The following ZNF536 variants were observed in gnomAD, a reference collection of about 807,000 sequenced individuals.
ZNF536 encodes the protein zinc finger protein 536.
In ZNF536, 13 loss-of-function variants were observed where a neutral mutation model predicts 84.5. The observed-to-expected ratio is 0.15, with a 90% CI of 0.10 to 0.24. The LOEUF is 0.24. Ranked by LOEUF, ZNF536 falls within the 10% of genes least tolerant of loss-of-function variation. ZNF536 has a pLI of 1.00. For missense variants in ZNF536, 1,536 were observed against 1,747.5 expected (o/e 0.88, Z 2.16); for synonymous variants, 811 against 742.5 (o/e 1.09, Z -1.50).
At chr19:30,480,382 G>A (rs917762163) in intron 2 of ZNF536, among the ~76,000 whole-genome samples, 1 of 152,068 alleles carries the variant, frequency 6.6e-6, no homozygotes, top group African/African-American at 2.4e-5. Context: ...CAGTCTGTTT[G>A]TTTTGCTCTG....
At chr19:30,254,586 GA>G (rs11342778) in intron 1 of ZNF536, among the ~76,000 whole-genome samples, 116,905 of 131,078 alleles carry the variant, frequency 0.89, 51,976 homozygotes, top group East Asian at 0.96. Flanking sequence ...TTCTCTTTTT[GA>G]AAAAAAAAAA....
At chr19:30,312,400 C>T (rs2087347618) in intron 2 of ZNF536, among the ~76,000 whole-genome samples, 1 of 152,176 alleles carries the variant, frequency 6.6e-6, no homozygotes, top group Non-Finnish European at 1.5e-5. Flanking sequence ...TTCTCTCCAA[C>T]CCTTGCTGGC....
intron 2 of ZNF536, among the ~76,000 whole-genome samples, chr19:30,531,845 G>T (rs750777109): frequency 7.9e-5 from 12 of 151,408 alleles, no homozygotes; most frequent in Admixed American, 1.3e-4. Context: ...GGCTGGTCTG[G>T]AACTCCTGAC....
intron 1 of ZNF536, among the ~76,000 whole-genome samples, chr19:30,424,839 A>G (rs1314209197): frequency 6.6e-6 from 1 of 152,156 alleles, no homozygotes; most frequent in African/African-American, 2.4e-5. Context: ...TGAGAAATGC[A>G]TGCTTGGTGA....
chr19:30,503,381 G>T (rs1362195514), intron 2 of ZNF536, among the ~76,000 whole-genome samples: 3 of 152,110 alleles, frequency 2.0e-5, no homozygotes, highest in Non-Finnish European at 4.4e-5. Context: ...AATACAAATG[G>T]TCAATAATCA....
intron 2 of ZNF536, among the ~76,000 whole-genome samples, chr19:30,314,371 C>T (rs2046610364): frequency 6.6e-6 from 1 of 152,092 alleles, no homozygotes. Context: ...GAGACTCTGC[C>T]CCTCGTCGAG....
intron 1 of ZNF536, among the ~76,000 whole-genome samples, chr19:30,377,748 G>A (rs1181475855): frequency 2.0e-5 from 3 of 152,150 alleles, no homozygotes; most frequent in African/African-American, 7.2e-5. Context: ...GGGATATTAG[G>A]ATACTCCCAA....
intron 1 of ZNF536, among the ~76,000 whole-genome samples, chr19:30,685,371 A>C (rs1384038117): frequency 6.6e-6 from 1 of 151,968 alleles, no homozygotes; most frequent in African/African-American, 2.4e-5. Context: ...TTACAGCGGG[A>C]GTGTTTTTAT....
intron 1 of ZNF536, among the ~76,000 whole-genome samples, chr19:30,436,179 T>C (rs2051738621): frequency 6.6e-6 from 1 of 152,172 alleles, no homozygotes; most frequent in South Asian, 2.1e-4. Flanking sequence ...CACTTGGGAA[T>C]TTGACTACAG....
At chr19:30,555,938 G>A (rs1312843397) in intron 4 of ZNF536, 1 of 152,222 alleles carries the variant, frequency 6.6e-6, no homozygotes, top group Non-Finnish European at 1.5e-5. Context: ...GCTTGAGGGT[G>A]TGGGAGACCT....
At chr19:30,630,558 G>A (rs893155830) in intron 1 of ZNF536, among the ~76,000 whole-genome samples, 5 of 152,194 alleles carry the variant, frequency 3.3e-5, no homozygotes, top group Non-Finnish European at 7.4e-5. Context: ...CTGGGCCTCC[G>A]TTTCAGCCCT....
chr19:30,484,662 T>G (rs1159378936), intron 2 of ZNF536, among the ~76,000 whole-genome samples: 1 of 138,668 alleles, frequency 7.2e-6, no homozygotes, highest in Admixed American at 7.0e-5. Context: ...CGCACTTTCT[T>G]TTTTCTTCTT....
At chr19:30,258,742 G>T (rs1397414863) in intron 1 of ZNF536, among the ~76,000 whole-genome samples, 1 of 149,622 alleles carries the variant, frequency 6.7e-6, no homozygotes, top group African/African-American at 2.4e-5. Context: ...TTTTGAGACA[G>T]AGTCTTGCTT....
At chr19:30,650,840 T>TGCAA (rs756601166) in intron 1 of ZNF536, among the ~76,000 whole-genome samples, 78 of 152,182 alleles carry the variant, frequency 5.1e-4, no homozygotes, top group Non-Finnish European at 4.0e-4. Context: ...TAAAATGATC[T>TGCAA]GCAAGTCGTC....
chr19:30,343,390 T>G (rs907792057), intron 2 of ZNF536, among the ~76,000 whole-genome samples: 8 of 152,144 alleles, frequency 5.3e-5, no homozygotes, highest in African/African-American at 1.9e-4. Flanking sequence ...TGGGGGAGCA[T>G]CTCTTCATAA....
At chr19:30,691,521 G>A (rs1339265008) in intron 1 of ZNF536, among the ~76,000 whole-genome samples, 1 of 152,120 alleles carries the variant, frequency 6.6e-6, no homozygotes, top group Non-Finnish European at 1.5e-5. Context: ...CTGTAATTTG[G>A]GAAGGTTGTA....
chr19:30,617,333 C>CTTTTTT (rs556835599), intron 1 of ZNF536, among the ~76,000 whole-genome samples: 1,735 of 37,668 alleles, frequency 0.046, 614 homozygotes, highest in South Asian at 0.08. Context: ...GAATAGCTTA[C>CTTTTTT]TTTTTTTTTT....
chr19:30,622,253 A>G (rs972575576), intron 1 of ZNF536, among the ~76,000 whole-genome samples: 2 of 152,270 alleles, frequency 1.3e-5, no homozygotes, highest in African/African-American at 2.4e-5. Context: ...GGAGGTTAAT[A>G]ATGTAGATTT....
chr19:30,405,926 C>T lies in ZNF536; in HGVS notation c.-3+33370C>T, dbSNP rs545217254. 1.1e-4 allele frequency among the ~76,000 whole-genome samples: 16 copies of T among 152,166 alleles called. No homozygotes were observed. In the South Asian group the frequency reaches 2.3e-3, roughly 22 times the overall value. On this transcript the variant is annotated intron_variant, in intron 1 of 4. Coordinates refer to ENST00000355537, the MANE Select transcript of ZNF536 (RefSeq NM_014717.3). ...CCGAGTAGCTGGGATTACAGGCACCCGCCAACACACCCAGATAATTTTTGT... is the reference window on the plus strand; with the variant it reads ...CCGAGTAGCTGGGATTACAGGCACCTGCCAACACACCCAGATAATTTTTGT...
Sources: allele counts gnomAD v4.1 joint callset (sites outside exome capture counted in the v4.1 genomes callset), GRCh38; gene constraint gnomAD v4.1.1; transcripts MANE v1.5; gene names NCBI Gene and HGNC (gene_info 2026-07-23, HGNC 2026-07-21).